The following MAGI3 variants were observed in gnomAD, a reference collection of about 807,000 sequenced individuals.
MAGI3 encodes the protein membrane-associated guanylate kinase, WW and PDZ domain-containing protein 3.
A neutral mutation model predicts 121.8 loss-of-function variants in MAGI3; 43 were observed. That is an observed-to-expected ratio of 0.35 (90% CI 0.28 to 0.46). The LOEUF (loss-of-function observed/expected upper bound fraction) is 0.46. MAGI3 is among the 20% of genes least tolerant of loss of function. MAGI3 has a pLI of 1.00. For synonymous variants in MAGI3, 553 were observed against 639.3 expected, an observed-to-expected ratio of 0.86 and a Z score of 2.04; for missense variants, 1,547 against 1,797.3, an observed-to-expected ratio of 0.86 and a Z score of 2.52.
chr1:113,460,312 A>G (rs528878785), intron 1 of MAGI3, among the ~76,000 whole-genome samples: 5 of 152,342 alleles, frequency 3.3e-5, no homozygotes, highest in African/African-American at 7.2e-5. Context: ...CACAGCCAAC[A>G]TTGAACTGAA....
chr1:113,646,156 G>A (rs556414453), intron 11 of MAGI3, among the ~76,000 whole-genome samples: 1 of 151,914 alleles, frequency 6.6e-6, no homozygotes, highest in East Asian at 1.9e-4. Flanking sequence ...TAGAAGTGCT[G>A]CCTTGTATTG....
intron 2 of MAGI3, among the ~76,000 whole-genome samples, chr1:113,568,047 A>G (rs1394943898): frequency 1.3e-5 from 2 of 152,072 alleles, no homozygotes; most frequent in African/African-American, 2.4e-5. Flanking sequence ...TTCCATTTGT[A>G]TTAAATTATA....
intron 1 of MAGI3, among the ~76,000 whole-genome samples, chr1:113,426,126 T>TA (rs1281403035): frequency 6.6e-6 from 1 of 152,236 alleles, no homozygotes; most frequent in African/African-American, 2.4e-5. Context: ...TGTGTATTTT[T>TA]AAATGTTCCT....
intron 1 of MAGI3, among the ~76,000 whole-genome samples, chr1:113,509,364 T>G (rs1281586929): frequency 7.0e-6 from 1 of 143,060 alleles, no homozygotes. Flanking sequence ...TCTTTTTTTT[T>G]TTTTGTTTTC....
intron 9 of MAGI3, among the ~76,000 whole-genome samples, chr1:113,634,909 T>C (rs1464107158): frequency 1.3e-5 from 2 of 152,150 alleles, no homozygotes. Flanking sequence ...TTTATTTCAT[T>C]GAGCAGTGGT....
chr1:113,663,462 T>G (rs1305053897), intron 16 of MAGI3, among the ~76,000 whole-genome samples: 1 of 152,138 alleles, frequency 6.6e-6, no homozygotes, highest in East Asian at 1.9e-4. Context: ...ATACAATATG[T>G]GGCCTTTTGT....
chr1:113,577,105 G>A (rs991008060), intron 2 of MAGI3, among the ~76,000 whole-genome samples: 4 of 152,198 alleles, frequency 2.6e-5, no homozygotes, highest in African/African-American at 9.6e-5. Flanking sequence ...CAAGATGGTA[G>A]TCACTTTTGA....
chr1:113,660,764 T>C (rs2101000283), intron 16 of MAGI3, among the ~76,000 whole-genome samples: 1 of 130,450 alleles, frequency 7.7e-6, no homozygotes, highest in East Asian at 2.0e-4. Flanking sequence ...ACATAATTTT[T>C]AATTTTTTTT....
In MAGI3 at chr1:113,635,071, A is replaced by G. The variant is rs530794511; in HGVS notation, c.1361-6840A>G. On this transcript the variant is annotated intron_variant, in intron 9 of 20. Transcript: ENST00000307546. ...GTGTATAAGAATGCTTGTGATTTTT[A>G]TACATTGATTTTGTATCCTGAGACT... 5.4e-3 allele frequency among the ~76,000 whole-genome samples: 816 copies of G among 152,222 alleles called. 4 individuals are homozygous for G. The highest frequency in any genetic ancestry group is 0.018 in the African/African-American group (741 of 41,522).
intron 2 of MAGI3, among the ~76,000 whole-genome samples, chr1:113,550,913 GA>G (rs1351151369): frequency 6.2e-5 from 9 of 145,628 alleles, no homozygotes; most frequent in African/African-American, 2.3e-4. Context: ...TATTTTATTA[GA>G]ACTTTATTTT....
At chr1:113,418,307 C>T (rs1249706040) in intron 1 of MAGI3, among the ~76,000 whole-genome samples, 1 of 152,094 alleles carries the variant, frequency 6.6e-6, no homozygotes, top group Non-Finnish European at 1.5e-5. Context: ...ACCCACTTTT[C>T]CTGTTATCTT....
Position 113,641,898 on chromosome 1 carries a change from T to C in MAGI3, c.1361-13T>C. 1 of 1,548,456 alleles carries C rather than the reference T, an allele frequency of 6.5e-7. No individual in the cohort carries two copies. Among genetic ancestry groups the C allele is most frequent in the Non-Finnish European group, 8.8e-7 (1 of 1,141,586 alleles). ...TTGATTTTAATATTTTTAACATGAT[T>C]ATGTTTTTCCAGGCGATGTTATTGT... On this transcript the variant is annotated splice_polypyrimidine_tract_variant and intron_variant, in intron 9 of 20. Coordinates refer to ENST00000307546, the MANE Select transcript of MAGI3 (RefSeq NM_001142782.2).
At chr1:113,616,800 T>C (rs529571220) in intron 7 of MAGI3, among the ~76,000 whole-genome samples, 42 of 152,174 alleles carry the variant, frequency 2.8e-4, no homozygotes, top group African/African-American at 9.6e-4. Context: ...TAATATATAG[T>C]GATTAGATCA....
At chr1:113,456,095 C>A (rs954636035) in intron 1 of MAGI3, among the ~76,000 whole-genome samples, 4 of 150,018 alleles carry the variant, frequency 2.7e-5, no homozygotes, top group African/African-American at 7.3e-5. Flanking sequence ...GGACTACAGG[C>A]GCCCGCCACC....
intron 2 of MAGI3, among the ~76,000 whole-genome samples, chr1:113,553,128 A>G (rs34258372): frequency 0.23 from 35,039 of 152,180 alleles, 4,996 homozygotes; most frequent in South Asian, 0.39. Flanking sequence ...TGTAGGTGGA[A>G]CAGGACTATG....
intron 1 of MAGI3, among the ~76,000 whole-genome samples, chr1:113,516,427 C>T (rs1032275825): frequency 1.3e-5 from 2 of 148,794 alleles, no homozygotes; most frequent in Non-Finnish European, 3.0e-5. Flanking sequence ...CAAAAATCCC[C>T]CACAATTATA....
intron 4 of MAGI3, among the ~76,000 whole-genome samples, chr1:113,586,209 T>C (rs1003483238): frequency 7.2e-5 from 11 of 152,318 alleles, no homozygotes; most frequent in African/African-American, 2.4e-4. Flanking sequence ...TAGGAAACCA[T>C]AGAATCACAG....
At position 113,653,509 on chromosome 1, in the gene MAGI3, T is replaced by A. The variant is rs531976370; in HGVS notation, c.2441-321T>A. 4.0e-5 allele frequency among the ~76,000 whole-genome samples: 6 copies of A among 151,610 alleles called. No homozygotes were observed. The East Asian group carries it at 1.2e-3, about 29-fold the overall frequency. ...ATGGCGTGAACCCAGGAAGCAGAGGTTGCAATGAGCCGAGATCGCGCCACT... is the reference window on the plus strand; with the variant it reads ...ATGGCGTGAACCCAGGAAGCAGAGGATGCAATGAGCCGAGATCGCGCCACT... On this transcript the variant is annotated intron_variant, in intron 14 of 20. Coordinates refer to ENST00000307546, the MANE Select transcript of MAGI3 (RefSeq NM_001142782.2).
chr1:113,433,398 T>C (rs997268857), intron 1 of MAGI3, among the ~76,000 whole-genome samples: 2 of 152,220 alleles, frequency 1.3e-5, no homozygotes, highest in African/African-American at 2.4e-5. Context: ...AATAGAACAC[T>C]ATAAATTTGC....
Sources: allele counts gnomAD v4.1 joint callset (sites outside exome capture counted in the v4.1 genomes callset), GRCh38; gene constraint gnomAD v4.1.1; transcripts MANE v1.5; gene names NCBI Gene and HGNC (gene_info 2026-07-23, HGNC 2026-07-21).